Variants in LINS1 observed in about 807,000 individuals in gnomAD.
LINS1 encodes the protein protein Lines homolog 1.
LINS1 carries 27 observed loss-of-function variants against 41.6 expected under a neutral mutation model. The observed-to-expected ratio is 0.65, with a 90% CI of 0.48 to 0.89. The LOEUF (loss-of-function observed/expected upper bound fraction) is 0.89. Among genes scored for constraint, LINS1 ranks in the 40% least tolerant of loss-of-function variants. The pLI, the probability that LINS1 is intolerant of heterozygous loss-of-function variation, is 0.00. For missense variants in LINS1, 955 were observed against 884.1 expected (o/e 1.08, Z -1.02); for synonymous variants, 336 against 312.9 (o/e 1.07, Z -0.78).
At chr15:100,573,491 A>AGTT (rs949555915) in intron 5 of LINS1, 160 bp downstream of exon 5, 30 of 800,102 alleles carry the variant, frequency 3.7e-5, no homozygotes, top group African/African-American at 7.0e-5. Flanking sequence ...AGGTAAATCC[A>AGTT]GTTCTTTTTT....
chr15:100,592,199 G>C (rs1171296679), intron 1 of LINS1, among the ~76,000 whole-genome samples: 3 of 152,112 alleles, frequency 2.0e-5, no homozygotes, highest in African/African-American at 7.2e-5. Context: ...CACCCTGTGG[G>C]GTGTACTTTC....
Position 100,571,966 on chromosome 15 carries a change from A to C in LINS1, c.1322T>G (p.Val441Gly), listed in dbSNP as rs1596880976. Reference sequence around the variant, plus strand: ...CATGTCATCGTCTTGTTCTATGAAAACCCGAGACAGCCATTTGCACGGATT... The same window carrying C: ...CATGTCATCGTCTTGTTCTATGAAACCCCGAGACAGCCATTTGCACGGATT... ...LHNPCKWLSR[V>G]FIEQDDDMLE... Residue 441 changes from valine to glycine, a missense_variant, in exon 6 of 7, where the codon GTT (valine) becomes GGT (glycine). Val to Gly is a moderately radical substitution (Grantham distance 109). Coordinates refer to ENST00000314742, the MANE Select transcript of LINS1 (RefSeq NM_001040616.3). 6.2e-7 allele frequency: 1 copy of C among 1,614,114 alleles called. No individual in the cohort carries two copies. Among genetic ancestry groups the C allele is most frequent in the Non-Finnish European group, 8.5e-7 (1 of 1,180,026 alleles).
In LINS1 at chr15:100,569,986, A is replaced by C; in HGVS notation, c.1526T>G (p.Leu509Arg). The change falls in exon 7 of 7, where the codon CTT becomes CGT. Residue 509 changes from leucine to arginine, a missense_variant. Coordinates refer to ENST00000314742, the MANE Select transcript of LINS1 (RefSeq NM_001040616.3). ...TTCTGATGAAATCAAAAAGTCAAGAAGAACTGTGGAATCAAATCCTATATT... is the reference window on the plus strand; with the variant it reads ...TTCTGATGAAATCAAAAAGTCAAGACGAACTGTGGAATCAAATCCTATATT... ...LKNIGFDSTV[L>R]LDFLISSETC... 2 of 1,567,432 alleles carry C rather than the reference A, an allele frequency of 1.3e-6. No individual in the cohort carries two copies. The highest frequency in any genetic ancestry group is 1.7e-6 in the Non-Finnish European group (2 of 1,158,782).
rs1282475472 is a variant in LINS1 at position 100,567,280 on chromosome 15, T to C, written c.*1958A>G. 1.1e-4 allele frequency: 17 copies of C among 152,208 alleles called. No individual in the cohort carries two copies. Among genetic ancestry groups the C allele is most frequent in the Admixed American group, 1.1e-3 (17 of 15,284 alleles). 9.4% of individuals were successfully genotyped at this position (152,208 alleles called of 1,614,324 possible). A position where few individuals can be genotyped will look rare whatever the true frequency, so the allele number is the denominator to read the frequency against. On this transcript the variant is annotated 3_prime_UTR_variant, in exon 7 of 7. Transcript: ENST00000314742. ...GACAGTCACAGTAAAAATAACGGCT[T>C]GATAGTCTTATGGGACCACTGTACT...
chr15:100,573,633 A>C lies in LINS1; in HGVS notation c.1222+18T>G. Reference sequence around the variant, plus strand: ...TAAATAATTACACACTGCATACAAAAGGAGTTTGGAGAATTACCTTTCACT... The same window carrying C: ...TAAATAATTACACACTGCATACAAACGGAGTTTGGAGAATTACCTTTCACT... On this transcript the variant is annotated intron_variant, in intron 5 of 6. Transcript: ENST00000314742. The C allele has an allele frequency of 7.0e-7, 1 of 1,428,182 alleles. No individual in the cohort carries two copies. The highest frequency in any genetic ancestry group is 9.9e-7 in the Non-Finnish European group (1 of 1,013,744). The allele number at this position is 1,428,182 out of a possible 1,614,324, so 88.5% of individuals were successfully genotyped here. A position where few individuals can be genotyped will look rare whatever the true frequency, so the allele number is the denominator to read the frequency against.
intron 1 of LINS1, among the ~76,000 whole-genome samples, chr15:100,592,074 C>T (rs917858794): frequency 6.6e-6 from 1 of 152,186 alleles, no homozygotes; most frequent in Admixed American, 6.5e-5. Flanking sequence ...CTTTACTTCA[C>T]CCTCTTCATT....
At chr15:100,578,544 G>T (rs570834540) in intron 3 of LINS1, among the ~76,000 whole-genome samples, 6 of 152,054 alleles carry the variant, frequency 3.9e-5, no homozygotes, top group Admixed American at 2.0e-4. Context: ...GGAGAGGATG[G>T]GGAAAAATAG....
At chr15:100,592,298 T>C (rs911775342) in intron 1 of LINS1, among the ~76,000 whole-genome samples, 2 of 152,232 alleles carry the variant, frequency 1.3e-5, no homozygotes, top group Non-Finnish European at 2.9e-5. Flanking sequence ...CGTTTGTGCT[T>C]TCTTTGTTCA....
At chr15:100,597,500 G>A (rs1191450475) in intron 1 of LINS1, among the ~76,000 whole-genome samples, 1 of 152,178 alleles carries the variant, frequency 6.6e-6, no homozygotes, top group African/African-American at 2.4e-5. Flanking sequence ...GAGAACCACT[G>A]CACAATCTAC....
intron 3 of LINS1, among the ~76,000 whole-genome samples, chr15:100,575,579 A>G (rs977795265): frequency 6.6e-6 from 1 of 152,204 alleles, no homozygotes; most frequent in Non-Finnish European, 1.5e-5. Context: ...ATAATGGGAG[A>G]CTTTAACACC....
At chr15:100,581,702 G>A (rs1228811207) in intron 1 of LINS1, among the ~76,000 whole-genome samples, 5 of 152,166 alleles carry the variant, frequency 3.3e-5, no homozygotes, top group Non-Finnish European at 4.4e-5. Flanking sequence ...GAAGGAGGGG[G>A]GTTTTGCTCC....
chr15:100,595,895 C>G lies in LINS1; in HGVS notation c.-104+6226G>C, dbSNP rs2039222515. Among the ~76,000 whole-genome samples the G allele has an allele frequency of 1.3e-5, 2 of 152,200 alleles. 1 individual carries two copies. The highest frequency in any genetic ancestry group is 4.1e-4 in the South Asian group (2 of 4,830). ...CAAACCCAGGCTGTCTTCCAGGATTCTGGTTCCCTCCACCAATCGAAACTG... is the reference window on the plus strand; with the variant it reads ...CAAACCCAGGCTGTCTTCCAGGATTGTGGTTCCCTCCACCAATCGAAACTG... On this transcript the variant is annotated intron_variant, in intron 1 of 6. Coordinates refer to ENST00000314742, the MANE Select transcript of LINS1 (RefSeq NM_001040616.3).
At chr15:100,573,262 G>A (rs147901183) in intron 5 of LINS1, 79 of 547,104 alleles carry the variant, frequency 1.4e-4, no homozygotes, top group African/African-American at 1.4e-3. Context: ...AGCATGGGCC[G>A]AAGGGGGGTC....
intron 3 of LINS1, 56 bp from the exon 4 acceptor site, chr15:100,575,184 A>C: frequency 7.1e-7 from 1 of 1,414,768 alleles, no homozygotes; most frequent in Non-Finnish European, 9.8e-7. Context: ...TTTACATAAT[A>C]CAACTGTATA....
At chr15:100,577,689 G>T (rs1040941731) in intron 3 of LINS1, among the ~76,000 whole-genome samples, 3 of 151,986 alleles carry the variant, frequency 2.0e-5, no homozygotes, top group Non-Finnish European at 2.9e-5. Flanking sequence ...AGTTCATATG[G>T]AACCAAAAAA....
chr15:100,585,614 T>C (rs117517385), intron 1 of LINS1, among the ~76,000 whole-genome samples: 2,373 of 152,316 alleles, frequency 0.016, 37 homozygotes, highest in Non-Finnish European at 0.022. Flanking sequence ...CTGGCGAGCT[T>C]GTATTGCTAT....
chr15:100,592,725 G>A (rs1280244184), intron 1 of LINS1, among the ~76,000 whole-genome samples: 2 of 152,140 alleles, frequency 1.3e-5, no homozygotes, highest in African/African-American at 2.4e-5. Context: ...GAAGTAATAG[G>A]CTTAAAGGAG....
chr15:100,574,859 G>A lies in LINS1; in HGVS notation c.631+128C>T. On this transcript the variant is annotated intron_variant, in intron 4 of 6. Coordinates refer to ENST00000314742, the MANE Select transcript of LINS1 (RefSeq NM_001040616.3). ...AGGTTATCCTCAATCAAAATATATT[G>A]GAAGAGACTGACTTTTTCATTACTT... 3 of 986,448 alleles carry A rather than the reference G, an allele frequency of 3.0e-6. No homozygotes were observed. In the South Asian group the frequency reaches 4.3e-5, roughly 14 times the overall value. 61.1% of individuals were successfully genotyped at this position (986,448 alleles called of 1,614,324 possible). A position where few individuals can be genotyped will look rare whatever the true frequency, so the allele number is the denominator to read the frequency against.
At chr15:100,582,195 C>T (rs112192569) in intron 1 of LINS1, among the ~76,000 whole-genome samples, 31 of 147,262 alleles carry the variant, frequency 2.1e-4, no homozygotes, top group Non-Finnish European at 2.7e-4. Context: ...CTGGGTCTTC[C>T]GTCTACACTA....
Sources: allele counts gnomAD v4.1 joint callset (sites outside exome capture counted in the v4.1 genomes callset), GRCh38; gene constraint gnomAD v4.1.1; transcripts MANE v1.5; gene names NCBI Gene and HGNC (gene_info 2026-07-23, HGNC 2026-07-21).